AKAP13: variants seen among roughly 807,000 people sequenced by gnomAD.
AKAP13 encodes the protein A-kinase anchoring protein 13, also known as A-kinase anchor protein 13.
A neutral mutation model predicts 264.5 loss-of-function variants in AKAP13; 80 were observed. The observed-to-expected ratio is 0.30, with a 90% CI of 0.25 to 0.36. AKAP13 has a LOEUF of 0.36. Among genes scored for constraint, AKAP13 ranks in the 10% least tolerant of loss-of-function variants. The probability of loss-of-function intolerance (pLI) is 1.00; values close to 1 mark genes in which losing one functional copy is unlikely to be tolerated. For missense variants in AKAP13, 3,712 were observed against 3,435.2 expected, an observed-to-expected ratio of 1.08 and a Z score of -2.01; for synonymous variants, 1,380 against 1,250.2, an observed-to-expected ratio of 1.10 and a Z score of -2.19.
At chr15:85,573,129 T>G (rs188527899) in intron 5 of AKAP13, among the ~76,000 whole-genome samples, 4 of 152,338 alleles carry the variant, frequency 2.6e-5, no homozygotes, top group African/African-American at 9.6e-5. Context: ...AAGTAATCTT[T>G]CTCATATTTT....
chr15:85,701,529 T>C (rs2085912903), intron 17 of AKAP13, among the ~76,000 whole-genome samples: 1 of 152,132 alleles, frequency 6.6e-6, no homozygotes, highest in Non-Finnish European at 1.5e-5. Context: ...AACCTCCTCC[T>C]CCCAGGTTCA....
chr15:85,430,205 A>C (rs1446052673), intron 1 of AKAP13, among the ~76,000 whole-genome samples: 1 of 152,196 alleles, frequency 6.6e-6, no homozygotes, highest in African/African-American at 2.4e-5. Context: ...GGTAAAGTTT[A>C]CCCTTAATAA....
At chr15:85,633,245 C>T (rs369940297) in intron 8 of AKAP13, among the ~76,000 whole-genome samples, 12 of 152,084 alleles carry the variant, frequency 7.9e-5, no homozygotes, top group South Asian at 6.2e-4. Context: ...TATGGTAATT[C>T]GTAGTAGTTC....
intron 14 of AKAP13, among the ~76,000 whole-genome samples, chr15:85,678,692 T>C (rs2084394012): frequency 6.6e-6 from 1 of 151,752 alleles, no homozygotes; most frequent in Admixed American, 6.6e-5. Context: ...CGAAACCATG[T>C]CTCTACTAAA....
intron 1 of AKAP13, among the ~76,000 whole-genome samples, chr15:85,450,489 A>G (rs1455084781): frequency 2.0e-5 from 3 of 151,992 alleles, no homozygotes; most frequent in Non-Finnish European, 4.4e-5. Flanking sequence ...TCGTGTGGGC[A>G]TTTGGTGCTA....
At chr15:85,701,520 ACCT>A (rs753943614) in intron 17 of AKAP13, among the ~76,000 whole-genome samples, 135 of 151,744 alleles carry the variant, frequency 8.9e-4, no homozygotes, top group Non-Finnish European at 1.1e-3. Flanking sequence ...GCTCACTGCA[ACCT>A]CCTCCTCCCA....
At chr15:85,691,909 A>G (rs768830037) in intron 16 of AKAP13, 8 of 477,314 alleles carry the variant, frequency 1.7e-5, no homozygotes, top group East Asian at 6.3e-5. Flanking sequence ...ACCTAGGGAC[A>G]CTGCCTGCTT....
At chr15:85,740,732 ACACACAACCCACC>A in intron 34 of AKAP13, among the ~76,000 whole-genome samples, 1 of 127,388 alleles carries the variant, frequency 7.9e-6, no homozygotes, top group Non-Finnish European at 1.7e-5. Flanking sequence ...CAACACACAC[ACACACAACCCACC>A]CACCCACACA....
chr15:85,655,854 A>G, intron 11 of AKAP13, 67 bp downstream of exon 11: 1 of 1,518,314 alleles, frequency 6.6e-7, no homozygotes, highest in African/African-American at 1.4e-5. Context: ...TCTGATTTGT[A>G]TTATTGTTGG....
At chr15:85,605,815 A>C (rs2080298348) in intron 8 of AKAP13, among the ~76,000 whole-genome samples, 1 of 152,190 alleles carries the variant, frequency 6.6e-6, no homozygotes, top group Non-Finnish European at 1.5e-5. Context: ...TGTGTACTTT[A>C]AATATACATA....
chr15:85,584,050 G>GA (rs1467395335), intron 7 of AKAP13, among the ~76,000 whole-genome samples: 2 of 152,154 alleles, frequency 1.3e-5, no homozygotes, highest in Non-Finnish European at 2.9e-5. Context: ...CCAGGATTGG[G>GA]AAAATCCCTG....
intron 1 of AKAP13, among the ~76,000 whole-genome samples, chr15:85,457,729 A>G (rs546606741): frequency 6.6e-6 from 1 of 152,198 alleles, no homozygotes; most frequent in East Asian, 1.9e-4. Flanking sequence ...AGTTGACTAC[A>G]TTGCTTAATT....
At chr15:85,423,385 GTCATT>G in intron 1 of AKAP13, among the ~76,000 whole-genome samples, 1 of 152,168 alleles carries the variant, frequency 6.6e-6, no homozygotes, top group East Asian at 1.9e-4. Flanking sequence ...ATCCTTTGTT[GTCATT>G]TCAACAATGC....
chr15:85,428,761 T>C (rs1026141466), intron 1 of AKAP13, among the ~76,000 whole-genome samples: 2 of 152,192 alleles, frequency 1.3e-5, no homozygotes, highest in Non-Finnish European at 2.9e-5. Context: ...GTGGGTTGTC[T>C]ACAGGAAAAA....
chr15:85,732,096 A>C (rs965907495), intron 30 of AKAP13, among the ~76,000 whole-genome samples: 1 of 151,950 alleles, frequency 6.6e-6, no homozygotes, highest in African/African-American at 2.4e-5. Flanking sequence ...AAAAAAAAAA[A>C]AACGTTTGAT....
intron 23 of AKAP13, among the ~76,000 whole-genome samples, chr15:85,719,831 C>T (rs1025909792): frequency 2.5e-4 from 38 of 151,762 alleles, no homozygotes; most frequent in African/African-American, 9.2e-4. Flanking sequence ...ATAAGAATCG[C>T]TTGAACCTGG....
At chr15:85,619,500 C>T in intron 8 of AKAP13, 1 of 985,406 alleles carries the variant, frequency 1.0e-6, no homozygotes, top group Non-Finnish European at 1.2e-6. Context: ...TGAAAAGCAT[C>T]TCCCAGCTTC....
chr15:85,588,357 C>A (rs1048229461), intron 8 of AKAP13, among the ~76,000 whole-genome samples: 3 of 152,154 alleles, frequency 2.0e-5, no homozygotes, highest in Non-Finnish European at 2.9e-5. Flanking sequence ...GTTGCTTTTA[C>A]CCCTGTGAGA....
At position 85,458,468 on chromosome 15, in the gene AKAP13, G is replaced by A. The variant is rs147399130; in HGVS notation, c.-11-27242G>A. On this transcript the variant is annotated intron_variant, in intron 1 of 36. Transcript: ENST00000394518. ...TTAGTTATCACTTTACATTGATTAA[G>A]CATTTGTACATGCTATTAAGTTCCT... 1.2e-3 allele frequency among the ~76,000 whole-genome samples: 167 copies of A among 140,360 alleles called. 1 individual carries two copies. The highest frequency in any genetic ancestry group is 4.5e-3 in the African/African-American group (162 of 36,230). 92.1% of individuals were successfully genotyped at this position (140,360 alleles called of 152,430 possible).
Sources: allele counts gnomAD v4.1 joint callset (sites outside exome capture counted in the v4.1 genomes callset), GRCh38; gene constraint gnomAD v4.1.1; transcripts MANE v1.5; gene names NCBI Gene and HGNC (gene_info 2026-07-23, HGNC 2026-07-21).